COL4A3: variants seen among roughly 807,000 people sequenced by gnomAD.
COL4A3 encodes collagen alpha-3(IV) chain.
A neutral mutation model predicts 217.4 loss-of-function variants in COL4A3; 135 were observed. That is an observed-to-expected ratio of 0.62 (90% CI 0.54 to 0.72). COL4A3 has a LOEUF of 0.72. Among genes scored for constraint, COL4A3 ranks in the 30% least tolerant of loss-of-function variants. The probability of loss-of-function intolerance (pLI) is 0.00; values close to 1 mark genes in which losing one functional copy is unlikely to be tolerated. For synonymous variants in COL4A3, 690 were observed against 736.3 expected, an observed-to-expected ratio of 0.94 and a Z score of 1.02; for missense variants, 1,868 against 2,119.9, an observed-to-expected ratio of 0.88 and a Z score of 2.33.
intron 1 of COL4A3, among the ~76,000 whole-genome samples, chr2:227,195,209 T>G (rs1404144694): frequency 6.6e-6 from 1 of 152,176 alleles, no homozygotes; most frequent in Non-Finnish European, 1.5e-5. Context: ...AAATAGATTT[T>G]GAACTTGAGC....
At chr2:227,286,295 C>T (rs1007948087) in intron 34 of COL4A3, among the ~76,000 whole-genome samples, 2 of 150,482 alleles carry the variant, frequency 1.3e-5, no homozygotes, top group Admixed American at 1.3e-4. Flanking sequence ...AGTTCGAGAC[C>T]AGCCTGGCCA....
Position 227,259,852 on chromosome 2 carries a change from G to A in COL4A3, c.1089G>A (p.Gly363=), listed in dbSNP as rs750995244. 3 of 1,613,532 alleles carry A rather than the reference G, an allele frequency of 1.9e-6. No individual in the cohort carries two copies. The highest frequency in any genetic ancestry group is 1.7e-6 in the Non-Finnish European group (2 of 1,179,428). ...ATGAAGGCACTCCAGGCCCACCAGG[G>A]CCCAGAGGAGCTCGTGGCCCACAAG... is the stretch of plus-strand genomic sequence containing the variant. ...KGDEGTPGPP[G]PRGARGPQGP... Residue 363 remains glycine (G), a synonymous_variant, in exon 19 of 52, where the codon GGG becomes GGA. Transcript: ENST00000396578.
chr2:227,300,917 G>A (rs550213718), intron 43 of COL4A3, among the ~76,000 whole-genome samples: 3 of 152,074 alleles, frequency 2.0e-5, no homozygotes, highest in Non-Finnish European at 2.9e-5. Context: ...GAGGAAAGGA[G>A]CTTTCTGAGC....
At chr2:227,280,673 T>A in intron 30 of COL4A3, 83 bp downstream of exon 30, 1 of 1,469,872 alleles carries the variant, frequency 6.8e-7, no homozygotes. Context: ...GTTCTAGGCA[T>A]GAAGAATTCT....
intron 1 of COL4A3, among the ~76,000 whole-genome samples, chr2:227,210,648 C>T (rs2067281993): frequency 6.6e-6 from 1 of 152,210 alleles, no homozygotes; most frequent in African/African-American, 2.4e-5. Flanking sequence ...AGCACGCATG[C>T]AAGCATGCAC....
chr2:227,276,308 T>C (rs961380740), intron 26 of COL4A3, 77 bp from the exon 27 acceptor site: 5 of 1,089,880 alleles, frequency 4.6e-6, no homozygotes, highest in African/African-American at 1.5e-5. Flanking sequence ...ATAAACCCTT[T>C]ATAATCGTAT....
chr2:227,190,456 C>G (rs1171691459), intron 1 of COL4A3, among the ~76,000 whole-genome samples: 1 of 152,110 alleles, frequency 6.6e-6, no homozygotes, highest in African/African-American at 2.4e-5. Context: ...CAGTCTGAAG[C>G]AAACACATAA....
chr2:227,174,810 C>A (rs892768631), intron 1 of COL4A3, among the ~76,000 whole-genome samples: 1 of 152,080 alleles, frequency 6.6e-6, no homozygotes, highest in African/African-American at 2.4e-5. Flanking sequence ...CCCGGCCTAG[C>A]GACTATTATT....
In COL4A3 at chr2:227,250,593, T is replaced by C. The variant is rs2069681158; in HGVS notation, c.547-547T>C. 6.6e-6 allele frequency among the ~76,000 whole-genome samples: 1 copy of C among 152,078 alleles called. No individual in the cohort carries two copies. Among genetic ancestry groups the C allele is most frequent in the African/African-American group, 2.4e-5 (1 of 41,390 alleles). ...ACAAAAGCGTGTAAATGAGTAACTCTATGGTGTGTGAGTAATAAATGCTAA... is the reference window on the plus strand; with the variant it reads ...ACAAAAGCGTGTAAATGAGTAACTCCATGGTGTGTGAGTAATAAATGCTAA... On this transcript the variant is annotated intron_variant, in intron 9 of 51. Transcript: ENST00000396578. The surrounding 1 kb of genome is among the most constrained non-coding windows in gnomAD (Gnocchi z 4.1).
In COL4A3 at chr2:227,238,176, TA is replaced by T. The variant is rs35499269; in HGVS notation, c.144+165del. 0.13 allele frequency: 53,018 copies of T among 401,154 alleles called. 669 individuals carry two copies. The highest frequency in any genetic ancestry group is 0.17 in the Middle Eastern group (235 of 1,354). 24.8% of individuals were successfully genotyped at this position (401,154 alleles called of 1,614,324 possible). A position where few individuals can be genotyped will look rare whatever the true frequency, so the allele number is the denominator to read the frequency against. On this transcript the variant is annotated intron_variant, in intron 2 of 51. Transcript: ENST00000396578. The stretch of plus-strand genomic sequence containing the variant: ...AAGTAATTGTATATAAACATTAACC[TA>T]AAAAAAAAAAAAGAAAAAAGTCATC...
At chr2:227,259,976 G>A (rs2070444426) in intron 19 of COL4A3, 99 bp downstream of exon 19, 4 of 872,204 alleles carry the variant, frequency 4.6e-6, no homozygotes, top group Middle Eastern at 2.2e-4. Context: ...CATGGGTGAG[G>A]AAAGGGAACA....
At chr2:227,307,027 CACG>C (rs1025463613) in intron 47 of COL4A3, among the ~76,000 whole-genome samples, 2 of 152,148 alleles carry the variant, frequency 1.3e-5, no homozygotes, top group African/African-American at 4.8e-5. Context: ...TCATCTAGAA[CACG>C]ACAAGTGTGG....
intron 1 of COL4A3, among the ~76,000 whole-genome samples, chr2:227,222,154 AATAATAATAATGATAATGAT>A: frequency 1.0e-5 from 1 of 95,348 alleles, no homozygotes; most frequent in Admixed American, 1.6e-4. Context: ...TAATAATAAT[AATAATAATAATGATAATGAT>A]AATAAAAAGC....
At chr2:227,204,068 A>C (rs1477376564) in intron 1 of COL4A3, among the ~76,000 whole-genome samples, 2 of 152,096 alleles carry the variant, frequency 1.3e-5, no homozygotes, top group Non-Finnish European at 2.9e-5. Flanking sequence ...GCTGACATTA[A>C]ATGAACAGCA....
At chr2:227,242,242 A>G (rs544597557) in intron 3 of COL4A3, among the ~76,000 whole-genome samples, 1 of 152,302 alleles carries the variant, frequency 6.6e-6, no homozygotes, top group East Asian at 1.9e-4. Flanking sequence ...ATAATTTGCT[A>G]AAGAGTCTCA....
In COL4A3 at chr2:227,266,414, T is replaced by C. The variant is rs746270134; in HGVS notation, c.1316-3T>C. 5 of 1,612,326 alleles carry C rather than the reference T, an allele frequency of 3.1e-6. No homozygotes were observed. Among genetic ancestry groups the C allele is most frequent in the South Asian group, 1.1e-5 (1 of 91,030 alleles). On this transcript the variant is annotated splice_region_variant and splice_polypyrimidine_tract_variant and intron_variant, in intron 21 of 51. Coordinates refer to ENST00000396578, the MANE Select transcript of COL4A3 (RefSeq NM_000091.5). ...AATTGTCTTTGGTGCTGTATTTTTA[T>C]AGGTGACATCGTTTTTCGCAAGGGT...
chr2:227,202,730 G>T (rs771552910), intron 1 of COL4A3, among the ~76,000 whole-genome samples: 1 of 53,384 alleles, frequency 1.9e-5, no homozygotes, highest in Admixed American at 2.7e-4. Context: ...GCGAGAATCC[G>T]TCTCTAAAAA....
intron 1 of COL4A3, among the ~76,000 whole-genome samples, chr2:227,171,981 C>T (rs1347044599): frequency 1.3e-5 from 2 of 152,176 alleles, no homozygotes; most frequent in Non-Finnish European, 2.9e-5. Context: ...TGCGCAGTGG[C>T]CTGCCGGCGC....
intron 27 of COL4A3, 70 bp from the exon 28 acceptor site, chr2:227,277,379 A>G: frequency 1.0e-6 from 1 of 964,312 alleles, no homozygotes; most frequent in African/African-American, 1.6e-5. Context: ...GAGAACTTAG[A>G]CATTTTCTTT....
Sources: gnomAD v4.1 joint callset for allele counts (sites outside exome capture counted in the v4.1 genomes callset) on GRCh38, gnomAD v4.1.1 for gene constraint, Gnocchi (gnomAD v3.1) non-coding constraint, MANE v1.5 for transcripts, NCBI Gene and HGNC (gene_info 2026-07-23, HGNC 2026-07-21) for gene names.